The following IGSF21 variants were observed in gnomAD, a reference collection of about 807,000 sequenced individuals.
IGSF21 encodes immunoglobin superfamily member 21.
A neutral mutation model predicts 46.8 loss-of-function variants in IGSF21; 28 were observed. The ratio of observed to expected loss-of-function variants is 0.60; its 90% confidence interval spans 0.44 to 0.82. The LOEUF (loss-of-function observed/expected upper bound fraction) is 0.82, where lower values mean the gene tolerates loss of function less well. Among genes scored for constraint, IGSF21 ranks in the 40% least tolerant of loss-of-function variants. IGSF21 has a pLI of 0.00. For synonymous variants in IGSF21, 284 were observed against 273.6 expected (o/e 1.04, Z -0.38); for missense variants, 624 against 665.5 (o/e 0.94, Z 0.69).
chr1:18,181,410 A>C (rs2124469008), intron 1 of IGSF21, among the ~76,000 whole-genome samples: 1 of 152,304 alleles, frequency 6.6e-6, no homozygotes. Context: ...AGAATTTTCC[A>C]GCTTGAGCAG....
At chr1:18,350,632 G>A (rs1425398544) in intron 4 of IGSF21, among the ~76,000 whole-genome samples, 1 of 151,562 alleles carries the variant, frequency 6.6e-6, no homozygotes. Context: ...ATGTCAAGGG[G>A]AAAAAAAATG....
At chr1:18,281,401 A>AAAAAAAATAT (rs1427747408) in intron 2 of IGSF21, among the ~76,000 whole-genome samples, 1 of 151,532 alleles carries the variant, frequency 6.6e-6, no homozygotes, top group Non-Finnish European at 1.5e-5. Flanking sequence ...GGTCTCTACT[A>AAAAAAAATAT]AAAAAAATAT....
rs113335208 is a variant in IGSF21, at chr1:18,182,237, C to T, written c.71-45661C>T. Among the ~76,000 whole-genome samples, 8 of 137,118 alleles carry T rather than the reference C, an allele frequency of 5.8e-5. 1 individual carries two copies. Among genetic ancestry groups the T allele is most frequent in the African/African-American group, 1.4e-4 (5 of 36,292 alleles). The allele number at this position is 137,118 out of a possible 152,430, so 90.0% of individuals were successfully genotyped here. ...TGTTGCACAGGCTGGAGTGCAGTGGCGTGATCTCGGCTCACTACAACCTCC... is the reference window on the plus strand; with the variant it reads ...TGTTGCACAGGCTGGAGTGCAGTGGTGTGATCTCGGCTCACTACAACCTCC... On this transcript the variant is annotated intron_variant, in intron 1 of 9. Coordinates refer to ENST00000251296, the MANE Select transcript of IGSF21 (RefSeq NM_032880.5).
intron 1 of IGSF21, among the ~76,000 whole-genome samples, chr1:18,142,495 G>T (rs769750512): frequency 6.6e-6 from 1 of 152,108 alleles, no homozygotes; most frequent in Non-Finnish European, 1.5e-5. Context: ...TGAAGATTAG[G>T]ATACAAGACC....
intron 1 of IGSF21, among the ~76,000 whole-genome samples, chr1:18,225,024 C>T (rs1001376198): frequency 6.6e-6 from 1 of 150,672 alleles, no homozygotes; most frequent in African/African-American, 2.5e-5. Context: ...AAGATCACAC[C>T]ACTGCACTCC....
At position 18,376,839 on chromosome 1, in the gene IGSF21, G is replaced by T. The variant is rs1310827455; in HGVS notation, c.1141G>T (p.Val381Phe). The T allele has an allele frequency of 6.2e-7, 1 of 1,607,498 alleles. No individual in the cohort carries two copies. The highest frequency in any genetic ancestry group is 1.1e-5 in the South Asian group (1 of 90,816). The stretch of plus-strand genomic sequence containing the variant: ...GGAGCCCATGTTCACGTGGACGCGG[G>T]TTGGGAGCCGCCTCCTGGACGGCAG... ...FPEPMFTWTRVGSRLLDGSAE... is the reference protein window; with the variant it reads ...FPEPMFTWTRFGSRLLDGSAE... The change falls in exon 8 of 10, where the codon GTT becomes TTT. Residue 381 changes from valine (V) to phenylalanine (F), a missense_variant. Coordinates refer to ENST00000251296, the MANE Select transcript of IGSF21 (RefSeq NM_032880.5).
rs1184961018 is a variant in IGSF21, at chr1:18,290,310, C to T, written c.184-1556C>T. Among the ~76,000 whole-genome samples, 3 of 152,164 alleles carry T rather than the reference C, an allele frequency of 2.0e-5. No individual in the cohort carries two copies. Among genetic ancestry groups the T allele is most frequent in the African/African-American group, 7.2e-5 (3 of 41,426 alleles). ...GCACATGGTCAGAAAGCGCCAAGCC[C>T]TCAGAGGGGAAGAAAGTGACGCGTG... On this transcript the variant is annotated intron_variant, in intron 2 of 9. Coordinates refer to ENST00000251296, the MANE Select transcript of IGSF21 (RefSeq NM_032880.5). This position sits in a 1 kb window ranked among gnomAD's most constrained non-coding sequence, Gnocchi z 4.2.
At chr1:18,155,789 G>T (rs1412809246) in intron 1 of IGSF21, among the ~76,000 whole-genome samples, 1 of 152,218 alleles carries the variant, frequency 6.6e-6, no homozygotes, top group Non-Finnish European at 1.5e-5. Flanking sequence ...TCTGTTGAAG[G>T]CCAGACAAAG....
At chr1:18,260,102 A>G (rs764968731) in intron 2 of IGSF21, among the ~76,000 whole-genome samples, 9 of 152,202 alleles carry the variant, frequency 5.9e-5, no homozygotes, top group Admixed American at 2.0e-4. Flanking sequence ...TGGCACTTGG[A>G]ATATTCTTAA....
chr1:18,309,331 T>A (rs2085457613), intron 3 of IGSF21, among the ~76,000 whole-genome samples: 1 of 152,122 alleles, frequency 6.6e-6, no homozygotes, highest in African/African-American at 2.4e-5. Flanking sequence ...CCAAGCCAAG[T>A]GCACTTACAT....
chr1:18,378,437 G>A lies in IGSF21; in HGVS notation c.*111G>A, dbSNP rs912528522. On this transcript the variant is annotated 3_prime_UTR_variant, in exon 10 of 10. Coordinates refer to ENST00000251296, the MANE Select transcript of IGSF21 (RefSeq NM_032880.5). Reference sequence around the variant, plus strand: ...CTTAGTCTCTTTCCATCTGTGTCTTGGCTTCTTCAGTCGGTTTAATTAAAA... The same window carrying A: ...CTTAGTCTCTTTCCATCTGTGTCTTAGCTTCTTCAGTCGGTTTAATTAAAA... 9 of 899,364 alleles carry A rather than the reference G, an allele frequency of 1.0e-5. No homozygotes were observed. Among genetic ancestry groups the A allele is most frequent in the Non-Finnish European group, 1.5e-5 (9 of 586,666 alleles). The allele number at this position is 899,364 out of a possible 1,614,324, so 55.7% of individuals were successfully genotyped here.
intron 4 of IGSF21, among the ~76,000 whole-genome samples, chr1:18,349,198 G>A (rs1410595530): frequency 6.6e-6 from 1 of 152,200 alleles, no homozygotes; most frequent in East Asian, 1.9e-4. Context: ...GACTTAGGGA[G>A]TGACCAAATG....
At position 18,274,743 on chromosome 1, in the gene IGSF21, T is replaced by G. The variant is rs191593412; in HGVS notation, c.184-17123T>G. On this transcript the variant is annotated intron_variant, in intron 2 of 9. Coordinates refer to ENST00000251296, the MANE Select transcript of IGSF21 (RefSeq NM_032880.5). Reference sequence around the variant, plus strand: ...CTTAGAACTAGAATTGGCCACCTAATGACTGGGCATGGTGGCTCGCACTTG... The same window carrying G: ...CTTAGAACTAGAATTGGCCACCTAAGGACTGGGCATGGTGGCTCGCACTTG... Among the ~76,000 whole-genome samples, 94 of 152,316 alleles carry G rather than the reference T, an allele frequency of 6.2e-4. No individual in the cohort carries two copies. In the East Asian group the frequency reaches 7.9e-3, roughly 13 times the overall value.
chr1:18,347,689 C>A (rs2085908418), intron 4 of IGSF21, among the ~76,000 whole-genome samples: 1 of 152,166 alleles, frequency 6.6e-6, no homozygotes, highest in Admixed American at 6.5e-5. Context: ...ACCTCTGACC[C>A]ATTATTGTGA....
chr1:18,368,348 A>G (rs2124635108), intron 6 of IGSF21, among the ~76,000 whole-genome samples: 1 of 151,566 alleles, frequency 6.6e-6, no homozygotes, highest in South Asian at 2.1e-4. Context: ...TACTAAAAAA[A>G]AAAAATACAA....
intron 2 of IGSF21, among the ~76,000 whole-genome samples, chr1:18,240,093 C>T (rs190922082): frequency 6.6e-6 from 1 of 152,204 alleles, no homozygotes; most frequent in African/African-American, 2.4e-5. Flanking sequence ...TCCTGGGCAA[C>T]CTGACAAAAC....
chr1:18,134,520 T>C (rs1233983475), intron 1 of IGSF21, among the ~76,000 whole-genome samples: 1 of 152,192 alleles, frequency 6.6e-6, no homozygotes. Context: ...CCCAGGCCTC[T>C]TATCTGAGAC....
At chr1:18,288,595 A>T (rs982682028) in intron 2 of IGSF21, among the ~76,000 whole-genome samples, 1 of 152,224 alleles carries the variant, frequency 6.6e-6, no homozygotes, top group Non-Finnish European at 1.5e-5. Context: ...TTCTGTCCAC[A>T]GCCTGTACTA....
At chr1:18,341,356 C>G (rs1235892855) in intron 4 of IGSF21, among the ~76,000 whole-genome samples, 2 of 152,066 alleles carry the variant, frequency 1.3e-5, no homozygotes, top group Non-Finnish European at 2.9e-5. Flanking sequence ...TGCAAGGACC[C>G]TATTTCCAAA....
Sources: gnomAD v4.1 joint callset for allele counts (sites outside exome capture counted in the v4.1 genomes callset) on GRCh38, gnomAD v4.1.1 for gene constraint, Gnocchi (gnomAD v3.1) non-coding constraint, MANE v1.5 for transcripts, NCBI Gene and HGNC (gene_info 2026-07-23, HGNC 2026-07-21) for gene names.